The following MYT1L variants were observed in gnomAD, a reference collection of about 807,000 sequenced individuals.
MYT1L encodes the protein myelin transcription factor 1-like protein.
In MYT1L, 12 loss-of-function variants were observed where a neutral mutation model predicts 126.7. The ratio of observed to expected loss-of-function variants is 0.09; its 90% CI spans 0.06 to 0.15. The LOEUF is 0.15. Ranked by LOEUF, MYT1L falls within the 10% of genes least tolerant of loss-of-function variation. The probability of loss-of-function intolerance (pLI) is 1.00; values close to 1 mark genes in which losing one functional copy is unlikely to be tolerated. For synonymous variants in MYT1L, 541 were observed against 604.2 expected, an observed-to-expected ratio of 0.90 and a Z score of 1.53; for missense variants, 979 against 1,585.2, an observed-to-expected ratio of 0.62 and a Z score of 6.49.
intron 5 of MYT1L, among the ~76,000 whole-genome samples, chr2:1,996,425 A>G (rs78170470): frequency 1.5e-3 from 141 of 95,284 alleles, no homozygotes; most frequent in East Asian, 2.9e-3. Context: ...AGAACCGAGT[A>G]TAGATGGGCC....
chr2:1,928,744 C>A (rs1478763229), intron 9 of MYT1L, among the ~76,000 whole-genome samples: 3 of 152,112 alleles, frequency 2.0e-5, no homozygotes, highest in Admixed American at 1.3e-4. Flanking sequence ...CCACTCAGAG[C>A]TGTGCTGGAA....
rs1203381483 is a variant in MYT1L, at chr2:2,228,891, A to G, written c.-421+55513T>C. On this transcript the variant is annotated intron_variant, in intron 2 of 24. Transcript: ENST00000647738. This position sits in a 1 kb window ranked among gnomAD's most constrained non-coding sequence, Gnocchi z 5.9. The stretch of plus-strand genomic sequence containing the variant: ...GCACATATTAACAATCTTTTTAAAA[A>G]ATACAGGACAAGGGCAAGTTAATAA... Among the ~76,000 whole-genome samples, 1 of 152,152 alleles carries G rather than the reference A, an allele frequency of 6.6e-6. No homozygotes were observed. Among genetic ancestry groups the G allele is most frequent in the Non-Finnish European group, 1.5e-5 (1 of 68,032 alleles).
chr2:2,004,351 GTGCCTTCTTTCCTGTGTGCC>G (rs1558698901), intron 4 of MYT1L, among the ~76,000 whole-genome samples: 103 of 65,802 alleles, frequency 1.6e-3, no homozygotes, highest in East Asian at 2.2e-3. Flanking sequence ...TCTTTCCTGC[GTGCCTTCTTTCCTGTGTGCC>G]TTCTTTCCTG....
intron 2 of MYT1L, among the ~76,000 whole-genome samples, chr2:2,238,256 A>G (rs1349404623): frequency 3.3e-5 from 5 of 152,130 alleles, no homozygotes; most frequent in Non-Finnish European, 7.4e-5. Flanking sequence ...TGGGAAACCC[A>G]TGAGCTGTGT....
Position 2,319,634 on chromosome 2 carries a change from A to C in MYT1L, c.-521+11333T>G, listed in dbSNP as rs140392817. 2.2e-3 allele frequency among the ~76,000 whole-genome samples: 341 copies of C among 152,222 alleles called. 1 individual carries two copies. Among genetic ancestry groups the C allele is most frequent in the African/African-American group, 7.9e-3 (328 of 41,538 alleles). On this transcript the variant is annotated intron_variant, in intron 1 of 24. Coordinates refer to ENST00000647738, the MANE Select transcript of MYT1L (RefSeq NM_001303052.2). ...ATTCCTGAAGTGCTGATTACCCAGG[A>C]AAGGGGCCTCAGGCTTCACTCAACT...
At chr2:2,120,579 G>T (rs527410140) in intron 3 of MYT1L, among the ~76,000 whole-genome samples, 1 of 151,836 alleles carries the variant, frequency 6.6e-6, no homozygotes, top group Non-Finnish European at 1.5e-5. Context: ...GGCTCTGTAC[G>T]CTGGTACACT....
At chr2:2,324,496 C>T (rs1166576097) in intron 1 of MYT1L, 1 of 152,678 alleles carries the variant, frequency 6.5e-6, no homozygotes, top group Non-Finnish European at 1.5e-5. Context: ...AATTATTTTG[C>T]CACATGGACA....
chr2:2,195,112 T>C (rs541144089), intron 2 of MYT1L, among the ~76,000 whole-genome samples: 16 of 152,364 alleles, frequency 1.1e-4, no homozygotes, highest in African/African-American at 3.1e-4. Context: ...ACAGTCAACA[T>C]TGCATGCAGA....
intron 19 of MYT1L, chr2:1,842,929 GCGCTTCCGCTTCC>G (rs1188793105): frequency 1.7e-5 from 3 of 176,734 alleles, no homozygotes; most frequent in Non-Finnish European, 3.5e-5. Flanking sequence ...CCGCTTCCAG[GCGCTTCCGCTTCC>G]AGGCGCTTCC....
intron 1 of MYT1L, among the ~76,000 whole-genome samples, chr2:2,316,174 G>C (rs1439448405): frequency 1.4e-4 from 22 of 152,118 alleles, no homozygotes; most frequent in Admixed American, 1.4e-3. Context: ...TGATTTCTCA[G>C]ACTCCTTTCC....
At chr2:1,904,874 A>G in intron 13 of MYT1L, among the ~76,000 whole-genome samples, 1 of 151,114 alleles carries the variant, frequency 6.6e-6, no homozygotes, top group South Asian at 2.1e-4. Flanking sequence ...GCTCACTGCA[A>G]GCTCTGCCTC....
At chr2:2,261,142 C>CGTGTGTGT (rs10604026) in intron 2 of MYT1L, among the ~76,000 whole-genome samples, 54 of 149,204 alleles carry the variant, frequency 3.6e-4, no homozygotes, top group African/African-American at 1.2e-3. Flanking sequence ...TGTGTGAGTG[C>CGTGTGTGT]GTGTGTGTGT....
intron 2 of MYT1L, among the ~76,000 whole-genome samples, chr2:2,212,616 AT>A (rs908221511): frequency 6.6e-6 from 1 of 152,172 alleles, no homozygotes; most frequent in Non-Finnish European, 1.5e-5. Context: ...AATTAGTAAT[AT>A]TGTTTCATGA....
At chr2:1,896,477 A>G (rs1378272537) in intron 14 of MYT1L, among the ~76,000 whole-genome samples, 4 of 152,234 alleles carry the variant, frequency 2.6e-5, no homozygotes, top group Non-Finnish European at 5.9e-5. Context: ...AATGCGGTAC[A>G]TAGACACTCT....
rs187049139 is a variant in MYT1L at position 1,837,617 on chromosome 2, A to T, written c.3080+1532T>A. Among the ~76,000 whole-genome samples, 251 of 152,170 alleles carry T rather than the reference A, an allele frequency of 1.6e-3. 4 individuals carry two copies. Among genetic ancestry groups the T allele is most frequent in the African/African-American group, 5.7e-3 (235 of 41,502 alleles). On this transcript the variant is annotated intron_variant, in intron 21 of 24. Transcript: ENST00000647738. Reference sequence around the variant, plus strand: ...TGTAACAATCAAACCTGGACAGGACACCAGGTGGCACGTGCAGGAACAGGC... The same window carrying T: ...TGTAACAATCAAACCTGGACAGGACTCCAGGTGGCACGTGCAGGAACAGGC...
intron 4 of MYT1L, among the ~76,000 whole-genome samples, chr2:2,051,662 A>G (rs948117595): frequency 6.6e-6 from 1 of 152,226 alleles, no homozygotes; most frequent in Non-Finnish European, 1.5e-5. Flanking sequence ...CAGACACAAC[A>G]TCTTCATCTT....
chr2:1,802,960 A>G (rs1469955074), intron 22 of MYT1L, among the ~76,000 whole-genome samples: 6 of 152,172 alleles, frequency 3.9e-5, no homozygotes, highest in African/African-American at 1.4e-4. Flanking sequence ...GCTGTTTTCA[A>G]GCTTTGCAGA....
intron 3 of MYT1L, among the ~76,000 whole-genome samples, chr2:2,109,875 T>TTATATATATATATATATATATA (rs58549168): frequency 1.6e-5 from 1 of 63,874 alleles, no homozygotes; most frequent in African/African-American, 6.7e-5. Context: ...AGTGCTGATT[T>TTATATATATATATATATATATA]TATATATATA....
At chr2:2,298,987 G>T (rs2095742783) in intron 1 of MYT1L, among the ~76,000 whole-genome samples, 2 of 152,084 alleles carry the variant, frequency 1.3e-5, no homozygotes, top group Non-Finnish European at 2.9e-5. Flanking sequence ...CAAGTAGCTG[G>T]GACTACAGGC....
Sources: gnomAD v4.1 joint callset for allele counts (sites outside exome capture counted in the v4.1 genomes callset) on GRCh38, gnomAD v4.1.1 for gene constraint, Gnocchi (gnomAD v3.1) non-coding constraint, MANE v1.5 for transcripts, NCBI Gene and HGNC (gene_info 2026-07-23, HGNC 2026-07-21) for gene names.